Variants in TULP4 observed in about 807,000 individuals in gnomAD.
TULP4 encodes TUB like protein 4.
In TULP4, 16 loss-of-function variants were observed where a neutral mutation model predicts 129.0. The ratio of observed to expected loss-of-function variants is 0.12; its 90% CI spans 0.08 to 0.19. The LOEUF (loss-of-function observed/expected upper bound fraction) is 0.19, where lower values mean the gene tolerates loss of function less well. TULP4 is among the 10% of genes least tolerant of loss of function. The probability of loss-of-function intolerance (pLI) is 1.00; values close to 1 mark genes in which losing one functional copy is unlikely to be tolerated. For synonymous variants in TULP4, 998 were observed against 854.0 expected (o/e 1.17, Z -2.94); for missense variants, 1,842 against 2,059.1 (o/e 0.89, Z 2.04).
At chr6:158,349,480 T>A (rs1245561629) in intron 1 of TULP4, among the ~76,000 whole-genome samples, 1 of 78,190 alleles carries the variant, frequency 1.3e-5, no homozygotes. Flanking sequence ...CCAGATGGGT[T>A]GGCAGCTGGG....
intron 1 of TULP4, among the ~76,000 whole-genome samples, chr6:158,397,382 T>C (rs572115359): frequency 1.7e-4 from 26 of 152,338 alleles, no homozygotes; most frequent in Non-Finnish European, 3.1e-4. Flanking sequence ...GGAGACCTTG[T>C]AAATCTCTGC....
chr6:158,423,129 G>C (rs969536756), intron 2 of TULP4, among the ~76,000 whole-genome samples: 2 of 151,174 alleles, frequency 1.3e-5, no homozygotes, highest in African/African-American at 4.9e-5. Flanking sequence ...AAGAGGGGGG[G>C]GGGGGGAAAG....
intron 1 of TULP4, among the ~76,000 whole-genome samples, chr6:158,353,546 C>T (rs1179866827): frequency 6.6e-6 from 1 of 151,992 alleles, no homozygotes; most frequent in Non-Finnish European, 1.5e-5. Context: ...GGTGGTGTAC[C>T]TAGTAAAATT....
intron 1 of TULP4, among the ~76,000 whole-genome samples, chr6:158,257,780 C>T (rs1363827730): frequency 6.6e-6 from 1 of 152,178 alleles, no homozygotes; most frequent in Non-Finnish European, 1.5e-5. Flanking sequence ...TTTGTCTCCC[C>T]CATATTATAC....
Position 158,502,775 on chromosome 6 carries a change from A to G in TULP4, c.3112A>G (p.Ser1038Gly). 1.2e-6 allele frequency: 2 copies of G among 1,607,144 alleles called. No homozygotes were observed. Among genetic ancestry groups the G allele is most frequent in the Non-Finnish European group, 1.7e-6 (2 of 1,179,096 alleles). The change falls in exon 13 of 14, where the codon AGT becomes GGT. Residue 1038 changes from serine to glycine, a missense_variant. By Grantham distance (56) the Ser-to-Gly change is moderately conservative. Coordinates refer to ENST00000367097, the MANE Select transcript of TULP4 (RefSeq NM_020245.5). ...ARPPPALYTCSQCSGTGPSSQ... is the reference protein window; with the variant it reads ...ARPPPALYTCGQCSGTGPSSQ... Reference sequence around the variant, plus strand: ...GCCCCCACCTGCCCTGTACACCTGCAGTCAGTGCAGTGGCACAGGGCCCAG... The same window carrying G: ...GCCCCCACCTGCCCTGTACACCTGCGGTCAGTGCAGTGGCACAGGGCCCAG...
intron 8 of TULP4, among the ~76,000 whole-genome samples, chr6:158,484,046 T>C (rs1473192879): frequency 6.6e-6 from 1 of 151,366 alleles, no homozygotes; most frequent in East Asian, 2.0e-4. Flanking sequence ...AGCCTCCAAG[T>C]AGCTAGGATC....
At chr6:158,497,049 C>T (rs1415655305) in intron 11 of TULP4, among the ~76,000 whole-genome samples, 3 of 152,234 alleles carry the variant, frequency 2.0e-5, no homozygotes, top group Non-Finnish European at 2.9e-5. Flanking sequence ...GATAGGACTT[C>T]ACTATTTTGT....
intron 6 of TULP4, among the ~76,000 whole-genome samples, chr6:158,463,900 T>C (rs1038218034): frequency 1.9e-4 from 29 of 152,092 alleles, no homozygotes; most frequent in Admixed American, 2.0e-4. Context: ...TAGTGCTGAG[T>C]GTATTACATT....
intron 2 of TULP4, among the ~76,000 whole-genome samples, chr6:158,424,085 T>C (rs754646228): frequency 1.3e-5 from 2 of 152,198 alleles, no homozygotes; most frequent in South Asian, 2.1e-4. Flanking sequence ...TGAAAACTGA[T>C]ATTTACTATA....
At chr6:158,335,733 T>C (rs943591049) in intron 1 of TULP4, among the ~76,000 whole-genome samples, 5 of 152,252 alleles carry the variant, frequency 3.3e-5, no homozygotes, top group African/African-American at 1.2e-4. Context: ...CATCTGGAGA[T>C]CATTCCATGT....
At chr6:158,288,293 G>A (rs1025943524) in intron 1 of TULP4, among the ~76,000 whole-genome samples, 3 of 151,884 alleles carry the variant, frequency 2.0e-5, no homozygotes, top group Non-Finnish European at 4.4e-5. Flanking sequence ...ATTGATTTTT[G>A]TTGTCTTCTG....
rs1446911370 is a variant in TULP4, at chr6:158,314,006, T to A, written c.-11T>A. 3.1e-6 allele frequency: 5 copies of A among 1,609,792 alleles called. No individual in the cohort carries two copies. Among genetic ancestry groups the A allele is most frequent in the Non-Finnish European group, 4.2e-6 (5 of 1,176,814 alleles). ...ATTACTTTTTAAGTAAAACAGTTCATTGAAGAAAGTATGTATGCAGCAGTG... is the reference window on the plus strand; with the variant it reads ...ATTACTTTTTAAGTAAAACAGTTCAATGAAGAAAGTATGTATGCAGCAGTG... On this transcript the variant is annotated 5_prime_UTR_variant, in exon 1 of 14. It adds an upstream start codon to the 5' untranslated region. Transcript: ENST00000367097.
rs749633446 is a variant in TULP4, at chr6:158,502,093, G to A, written c.2430G>A (p.Gln810=). The change falls in exon 13 of 14, where the codon CAG becomes CAA. Residue 810 remains glutamine, a synonymous_variant. Coordinates refer to ENST00000367097, the MANE Select transcript of TULP4 (RefSeq NM_020245.5). ...CCAAGGCCCTGCGGCCAACACCGCA[G>A]CTGGCAGCTGAGGGGGACGCAGTGG... ...KSAKALRPTP[Q]LAAEGDAVVF... The A allele has an allele frequency of 1.7e-5, 27 of 1,611,814 alleles. No individual in the cohort carries two copies. The highest frequency in any genetic ancestry group is 2.2e-5 in the Non-Finnish European group (26 of 1,178,902).
At chr6:158,361,079 C>T (rs555533644) in intron 1 of TULP4, among the ~76,000 whole-genome samples, 206 of 152,100 alleles carry the variant, frequency 1.4e-3, no homozygotes, top group African/African-American at 4.7e-3. Flanking sequence ...AGTGATTGCT[C>T]TAAAGATTGT....
Position 158,359,918 on chromosome 6 carries a change from C to T in TULP4, c.252+45650C>T, listed in dbSNP as rs200921043. 2.6e-5 allele frequency among the ~76,000 whole-genome samples: 4 copies of T among 152,176 alleles called. No homozygotes were observed. The East Asian group carries it at 7.7e-4, about 29-fold the overall frequency. On this transcript the variant is annotated intron_variant, in intron 1 of 13. Transcript: ENST00000367097. ...CCTGTGGACTGGCTTTCTGTCTGTT[C>T]TGCTCTTGCCCATTCACTTATTCAT...
chr6:158,395,044 A>G (rs1402204861), intron 1 of TULP4, among the ~76,000 whole-genome samples: 1 of 152,096 alleles, frequency 6.6e-6, no homozygotes, highest in East Asian at 1.9e-4. Flanking sequence ...CTGTCATGGG[A>G]ACAGCAAGAG....
chr6:158,475,770 C>A (rs1779802839), intron 6 of TULP4, among the ~76,000 whole-genome samples: 1 of 152,196 alleles, frequency 6.6e-6, no homozygotes, highest in Non-Finnish European at 1.5e-5. Context: ...TTAGTGAACG[C>A]CCCGCCCCGT....
chr6:158,501,891 A>C lies in TULP4; in HGVS notation c.2228A>C (p.Gln743Pro). ...TAEHAGDSAT[Q>P]YPVSNRYSNP... ...GAACATGCAGGTGACAGTGCCACCC[A>C]GTACCCAGTCTCCAACCGGTACTCC... Residue 743 changes from glutamine (Q) to proline (P), a missense_variant, in exon 13 of 14, where the codon CAG (glutamine) becomes CCG (proline). Physicochemically the swap from Gln to Pro is moderately conservative, Grantham distance 76. Transcript: ENST00000367097. The C allele has an allele frequency of 6.2e-7, 1 of 1,614,088 alleles. No homozygotes were observed. Among genetic ancestry groups the C allele is most frequent in the Non-Finnish European group, 8.5e-7 (1 of 1,179,994 alleles).
Position 158,400,329 on chromosome 6 carries a change from C to T in TULP4, c.253-12736C>T, listed in dbSNP as rs549137677. On this transcript the variant is annotated intron_variant, in intron 1 of 13. Coordinates refer to ENST00000367097, the MANE Select transcript of TULP4 (RefSeq NM_020245.5). ...ATTTATATGTTATATACTACTGTGCCAATAAAAGTATATACATTACAGTCA... is the reference window on the plus strand; with the variant it reads ...ATTTATATGTTATATACTACTGTGCTAATAAAAGTATATACATTACAGTCA... 2.6e-5 allele frequency among the ~76,000 whole-genome samples: 4 copies of T among 152,160 alleles called. No homozygotes were observed. The East Asian group carries it at 7.7e-4, about 29-fold the overall frequency.
Sources: gnomAD v4.1 joint callset for allele counts (sites outside exome capture counted in the v4.1 genomes callset) on GRCh38, gnomAD v4.1.1 for gene constraint, MANE v1.5 for transcripts, NCBI Gene and HGNC (gene_info 2026-07-23, HGNC 2026-07-21) for gene names.